The following TNR variants were observed in gnomAD, a reference collection of about 807,000 sequenced individuals.
TNR encodes the protein tenascin R.
A neutral mutation model predicts 150.4 loss-of-function variants in TNR; 45 were observed. The observed-to-expected ratio is 0.30, with a 90% CI of 0.24 to 0.38. The LOEUF is 0.38. TNR is among the 10% of genes least tolerant of loss of function. The pLI is 1.00. For missense variants in TNR, 1,544 were observed against 1,759.1 expected (o/e 0.88, Z 2.19); for synonymous variants, 687 against 678.4 (o/e 1.01, Z -0.20).
chr1:175,637,256 G>A (rs1243110487), intron 1 of TNR, among the ~76,000 whole-genome samples: 1 of 152,206 alleles, frequency 6.6e-6, no homozygotes, highest in African/African-American at 2.4e-5. Flanking sequence ...TATGATAACA[G>A]AGCAGACTTT....
chr1:175,405,737 A>G (rs1261527498), intron 3 of TNR, among the ~76,000 whole-genome samples: 1 of 152,042 alleles, frequency 6.6e-6, no homozygotes, highest in Admixed American at 6.6e-5. Context: ...TGAGACCTTA[A>G]TGACTATCAT....
intron 1 of TNR, among the ~76,000 whole-genome samples, chr1:175,679,846 T>C (rs1482523050): frequency 6.6e-6 from 1 of 152,234 alleles, no homozygotes; most frequent in East Asian, 1.9e-4. Context: ...TCCATTGCTC[T>C]GACTTCTGTT....
chr1:175,682,864 T>A (rs1295785896), intron 1 of TNR, among the ~76,000 whole-genome samples: 1 of 152,140 alleles, frequency 6.6e-6, no homozygotes, highest in Non-Finnish European at 1.5e-5. Context: ...TGGTGTGATT[T>A]CCCTTTTCAA....
intron 9 of TNR, among the ~76,000 whole-genome samples, chr1:175,372,130 G>T (rs908372346): frequency 4.6e-5 from 7 of 151,896 alleles, no homozygotes; most frequent in African/African-American, 1.2e-4. Context: ...TGTGTGATGC[G>T]CGGGCTACTC....
rs772462129 is a variant in TNR at position 175,386,293 on chromosome 1, C to A, written c.1516G>T (p.Gly506Cys). The A allele has an allele frequency of 1.3e-6, 2 of 1,553,392 alleles. No homozygotes were observed. Among genetic ancestry groups the A allele is most frequent in the Non-Finnish European group, 1.7e-6 (2 of 1,144,472 alleles). Residue 506 changes from glycine to cysteine, a missense_variant, in exon 8 of 23, where the codon GGC (glycine) becomes TGC (cysteine). Gly to Cys is a radical substitution (Grantham distance 159). This residue lies in a region of TNR where 1,254 missense variants were observed against 1,329.4 expected (regional missense o/e 0.94). Coordinates refer to ENST00000367674, the MANE Select transcript of TNR (RefSeq NM_003285.3). The stretch of plus-strand genomic sequence containing the variant: ...TCGCGAACCAGGATCTGCGTGGGGC[C>A]GTCAATGACTGAGTGAGAAGGATCA... ...TSASVSTVID[G>C]PTQILVRDVS...
At chr1:175,381,868 C>T (rs1014540973) in intron 8 of TNR, among the ~76,000 whole-genome samples, 4 of 152,218 alleles carry the variant, frequency 2.6e-5, no homozygotes, top group Non-Finnish European at 4.4e-5. Flanking sequence ...TCTCCATGTA[C>T]GACTTCTAAA....
At chr1:175,460,952 C>T (rs557898165) in intron 2 of TNR, among the ~76,000 whole-genome samples, 47 of 152,300 alleles carry the variant, frequency 3.1e-4, no homozygotes, top group African/African-American at 1.1e-3. Context: ...TCCATGCACA[C>T]ATGCACTTAT....
At chr1:175,448,716 C>T (rs1311326010) in intron 2 of TNR, among the ~76,000 whole-genome samples, 1 of 152,226 alleles carries the variant, frequency 6.6e-6, no homozygotes, top group Non-Finnish European at 1.5e-5. Flanking sequence ...AGCAGTGTTT[C>T]CAGGTTCAAG....
At chr1:175,541,020 C>G (rs1222459068) in intron 1 of TNR, among the ~76,000 whole-genome samples, 1 of 152,156 alleles carries the variant, frequency 6.6e-6, no homozygotes, top group Non-Finnish European at 1.5e-5. Context: ...TACATATTCC[C>G]TATCCCCAGG....
chr1:175,429,887 C>T (rs572299014), intron 2 of TNR, among the ~76,000 whole-genome samples: 10 of 152,168 alleles, frequency 6.6e-5, no homozygotes, highest in South Asian at 4.2e-4. Flanking sequence ...AAGTGATATG[C>T]GTGTCTTTAC....
At chr1:175,570,754 G>A (rs1661833061) in intron 1 of TNR, among the ~76,000 whole-genome samples, 1 of 151,674 alleles carries the variant, frequency 6.6e-6, no homozygotes, top group African/African-American at 2.4e-5. Flanking sequence ...CTTTATAAAA[G>A]GAGTCATCAA....
intron 4 of TNR, among the ~76,000 whole-genome samples, chr1:175,400,547 G>A (rs1653660141): frequency 6.6e-6 from 1 of 152,162 alleles, no homozygotes; most frequent in African/African-American, 2.4e-5. Flanking sequence ...TCAAGGCTAG[G>A]AGTCAAAAGT....
intron 1 of TNR, among the ~76,000 whole-genome samples, chr1:175,730,961 G>A (rs1667622461): frequency 6.6e-6 from 1 of 152,096 alleles, no homozygotes; most frequent in Non-Finnish European, 1.5e-5. Context: ...TCTGTCCGGG[G>A]GCAGAAAGCC....
At chr1:175,418,448 G>A (rs1482426288) in intron 2 of TNR, among the ~76,000 whole-genome samples, 1 of 152,218 alleles carries the variant, frequency 6.6e-6, no homozygotes, top group African/African-American at 2.4e-5. Context: ...TTGAGGCCGG[G>A]CGGAGTGGCT....
chr1:175,689,529 T>C (rs1454627597), intron 1 of TNR, among the ~76,000 whole-genome samples: 2 of 152,188 alleles, frequency 1.3e-5, no homozygotes, highest in African/African-American at 4.8e-5. Context: ...GCCAGCTCCC[T>C]TGAATGCGTG....
intron 1 of TNR, among the ~76,000 whole-genome samples, chr1:175,586,752 G>A (rs930974716): frequency 3.9e-5 from 6 of 152,208 alleles, no homozygotes; most frequent in African/African-American, 1.4e-4. Context: ...GAGTCACAGA[G>A]CCACTGGATA....
chr1:175,555,237 T>C (rs1021003442), intron 1 of TNR, among the ~76,000 whole-genome samples: 4 of 152,070 alleles, frequency 2.6e-5, no homozygotes, highest in African/African-American at 9.7e-5. Context: ...TATAGATACA[T>C]ACAGAGGGGA....
Position 175,322,634 on chromosome 1 carries a change from C to T in TNR, c.*723G>A, listed in dbSNP as rs1416590801. On this transcript the variant is annotated 3_prime_UTR_variant, in exon 23 of 23. Transcript: ENST00000367674. ...TCTCTACAAAAAATAAAAGAAAAAT[C>T]AGCCAGGTATGGTGGCTCATGCCTG... The T allele has an allele frequency of 6.6e-6, 1 of 152,200 alleles. No individual in the cohort carries two copies. Among genetic ancestry groups the T allele is most frequent in the African/African-American group, 2.4e-5 (1 of 41,404 alleles). 9.4% of individuals were successfully genotyped at this position (152,200 alleles called of 1,614,324 possible).
At chr1:175,445,991 T>C (rs1387311330) in intron 2 of TNR, among the ~76,000 whole-genome samples, 2 of 152,198 alleles carry the variant, frequency 1.3e-5, no homozygotes, top group Non-Finnish European at 2.9e-5. Context: ...GCTTTTTAAA[T>C]CTTTTCACAC....
Sources: gnomAD v4.1 joint callset for allele counts (sites outside exome capture counted in the v4.1 genomes callset) on GRCh38, gnomAD v4.1.1 for gene constraint, gnomAD v4.1.1 regional missense constraint, MANE v1.5 for transcripts, NCBI Gene and HGNC (gene_info 2026-07-23, HGNC 2026-07-21) for gene names.